Variants in CPED1 observed in about 807,000 individuals in gnomAD.
The protein encoded by CPED1 is cadherin like and PC-esterase domain containing 1, also known as cadherin-like and PC-esterase domain-containing protein 1.
Under a neutral mutation model 128.2 loss-of-function variants are expected in CPED1, and 114 were observed. That is an observed-to-expected ratio of 0.89 (90% CI 0.76 to 1.04). The LOEUF (loss-of-function observed/expected upper bound fraction) is 1.04. Among genes scored for constraint, CPED1 ranks in the 50% least tolerant of loss-of-function variants. CPED1 has a pLI of 0.00. For synonymous variants in CPED1, 462 were observed against 426.7 expected (o/e 1.08, Z -1.02); for missense variants, 1,211 against 1,207.1 (o/e 1.00, Z -0.05).
chr7:121,196,302 G>T (rs1174795674), intron 16 of CPED1, among the ~76,000 whole-genome samples: 2 of 151,966 alleles, frequency 1.3e-5, no homozygotes, highest in Non-Finnish European at 2.9e-5. Context: ...TCTGTTGTGG[G>T]CCCTATGAGA....
intron 16 of CPED1, among the ~76,000 whole-genome samples, chr7:121,213,184 A>G (rs1242624423): frequency 6.6e-6 from 1 of 151,650 alleles, no homozygotes; most frequent in Non-Finnish European, 1.5e-5. Flanking sequence ...TGTTTGTTCT[A>G]TTTTGTTTTA....
chr7:121,255,295 T>C (rs1314458960), intron 18 of CPED1, among the ~76,000 whole-genome samples: 1 of 151,962 alleles, frequency 6.6e-6, no homozygotes, highest in Non-Finnish European at 1.5e-5. Context: ...ATAAAAAGAA[T>C]GAAAGCAAAA....
intron 16 of CPED1, among the ~76,000 whole-genome samples, chr7:121,205,308 G>A (rs1408765835): frequency 6.6e-6 from 1 of 151,982 alleles, no homozygotes; most frequent in East Asian, 1.9e-4. Flanking sequence ...ATCTGTCAAT[G>A]AAGCAACACT....
intron 22 of CPED1, among the ~76,000 whole-genome samples, chr7:121,287,176 C>A (rs528578884): frequency 6.6e-6 from 1 of 152,204 alleles, no homozygotes; most frequent in South Asian, 2.1e-4. Flanking sequence ...CTAACCATAT[C>A]ACCTGGGATT....
At chr7:120,990,773 G>A (rs559241796) in intron 2 of CPED1, among the ~76,000 whole-genome samples, 3 of 152,284 alleles carry the variant, frequency 2.0e-5, no homozygotes, top group South Asian at 2.1e-4. Flanking sequence ...GATTCTGGTC[G>A]ATCTTATGAT....
chr7:121,104,900 G>A (rs1245706226), intron 7 of CPED1, among the ~76,000 whole-genome samples: 1 of 152,038 alleles, frequency 6.6e-6, no homozygotes, highest in Non-Finnish European at 1.5e-5. Flanking sequence ...TTATACAAAT[G>A]ATCATTTGTT....
At position 121,036,509 on chromosome 7, in the gene CPED1, T is replaced by TA. The variant is rs1563000433; in HGVS notation, c.434-10378_434-10377insA. ...TGTGTGTATATATATATATATATAT[T>TA]TTTTTTTTCTTTCTTTATCCACTCA... On this transcript the variant is annotated intron_variant, in intron 3 of 22. Transcript: ENST00000310396. Among the ~76,000 whole-genome samples, 869 of 115,520 alleles carry TA rather than the reference T, an allele frequency of 7.5e-3. 12 individuals are homozygous for TA. Among genetic ancestry groups the TA allele is most frequent in the African/African-American group, 0.03 (820 of 27,698 alleles). The allele number at this position is 115,520 out of a possible 152,430, so 75.8% of individuals were successfully genotyped here.
chr7:121,270,083 A>G (rs1792203618), intron 21 of CPED1, among the ~76,000 whole-genome samples: 1 of 152,040 alleles, frequency 6.6e-6, no homozygotes, highest in African/African-American at 2.4e-5. Flanking sequence ...GAGGGCACAG[A>G]GCCGTTCATG....
intron 7 of CPED1, among the ~76,000 whole-genome samples, chr7:121,105,342 G>A (rs1794948934): frequency 6.6e-6 from 1 of 152,118 alleles, no homozygotes; most frequent in Non-Finnish European, 1.5e-5. Context: ...AATGAGTAAT[G>A]TCTTTGGAAG....
chr7:121,047,646 T>TTTC (rs201842531), intron 4 of CPED1, among the ~76,000 whole-genome samples: 1,357 of 122,966 alleles, frequency 0.011, 21 homozygotes, highest in East Asian at 0.032. Flanking sequence ...AGATAGCACC[T>TTTC]TTCTTCTTCT....
intron 16 of CPED1, among the ~76,000 whole-genome samples, chr7:121,151,521 C>CT (rs1796158247): frequency 1.3e-5 from 2 of 152,228 alleles, no homozygotes; most frequent in South Asian, 4.2e-4. Flanking sequence ...GAATTGTGTG[C>CT]TTTTTTCAAT....
chr7:121,125,670 C>T (rs555822533), intron 8 of CPED1, 150 bp from the exon 9 acceptor site: 1 of 627,956 alleles, frequency 1.6e-6, no homozygotes, highest in East Asian at 2.8e-5. Flanking sequence ...CATAGTATTC[C>T]ATGGTGTGTA....
chr7:121,090,397 C>T (rs968146817), intron 5 of CPED1, among the ~76,000 whole-genome samples: 2 of 152,064 alleles, frequency 1.3e-5, no homozygotes, highest in Non-Finnish European at 2.9e-5. Context: ...CCATACTATT[C>T]GTATTTGTGG....
intron 3 of CPED1, among the ~76,000 whole-genome samples, chr7:121,018,706 C>T (rs1242117996): frequency 6.6e-6 from 1 of 152,042 alleles, no homozygotes; most frequent in Non-Finnish European, 1.5e-5. Context: ...TCCCATTCTC[C>T]TCTAAAATCT....
chr7:121,107,206 A>C (rs781169685), intron 7 of CPED1, among the ~76,000 whole-genome samples: 2 of 152,098 alleles, frequency 1.3e-5, no homozygotes, highest in Non-Finnish European at 2.9e-5. Context: ...CTGTACAGAC[A>C]CCTAGAGAGT....
At chr7:120,992,413 C>T (rs554889239) in intron 2 of CPED1, among the ~76,000 whole-genome samples, 3 of 152,192 alleles carry the variant, frequency 2.0e-5, no homozygotes, top group South Asian at 2.1e-4. Flanking sequence ...ACATCCATGA[C>T]ATTTTATGCA....
intron 2 of CPED1, among the ~76,000 whole-genome samples, chr7:121,000,876 G>A (rs931925394): frequency 6.6e-6 from 1 of 152,058 alleles, no homozygotes; most frequent in African/African-American, 2.4e-5. Context: ...CAGTTCTCTT[G>A]TTGGAAAACG....
chr7:121,234,525 C>T (rs1236941686), intron 16 of CPED1, among the ~76,000 whole-genome samples: 1 of 152,022 alleles, frequency 6.6e-6, no homozygotes, highest in Non-Finnish European at 1.5e-5. Flanking sequence ...ACAGCCAAGT[C>T]TCCAGCTGAG....
At chr7:121,055,552 CAT>C (rs755037939) in intron 4 of CPED1, among the ~76,000 whole-genome samples, 15 of 150,636 alleles carry the variant, frequency 1.0e-4, no homozygotes, top group African/African-American at 3.4e-4. Context: ...ACAGGTGTGA[CAT>C]AAAATATAAT....
Sources: allele counts gnomAD v4.1 joint callset (sites outside exome capture counted in the v4.1 genomes callset), GRCh38; gene constraint gnomAD v4.1.1; transcripts MANE v1.5; gene names NCBI Gene and HGNC (gene_info 2026-07-23, HGNC 2026-07-21).